Variants in SCN2A observed in about 807,000 individuals in gnomAD.
SCN2A encodes the protein sodium channel protein type 2 subunit alpha.
A neutral mutation model predicts 188.7 loss-of-function variants in SCN2A; 20 were observed. The ratio of observed to expected loss-of-function variants is 0.11; its 90% confidence interval spans 0.07 to 0.15. SCN2A has a LOEUF of 0.15. Among genes scored for constraint, SCN2A ranks in the 10% least tolerant of loss-of-function variants. SCN2A has a pLI of 1.00. For synonymous variants in SCN2A, 804 were observed against 833.1 expected (o/e 0.97, Z 0.60); for missense variants, 1,278 against 2,445.0 (o/e 0.52, Z 10.07).
intron 3 of SCN2A, among the ~76,000 whole-genome samples, chr2:165,302,708 GGGATGTATCTGA>G (rs1696885649): frequency 6.6e-6 from 1 of 152,108 alleles, no homozygotes; most frequent in South Asian, 2.1e-4. Context: ...TGGCTGGTAA[GGGATGTATCTGA>G]CCATGGTTCA....
At chr2:165,277,069 ATTAGT>A (rs2106114464) in intron 1 of SCN2A, among the ~76,000 whole-genome samples, 1 of 152,256 alleles carries the variant, frequency 6.6e-6, no homozygotes, top group East Asian at 1.9e-4. Flanking sequence ...CAAAAAAAAA[ATTAGT>A]TTAATTTTGT....
intron 3 of SCN2A, among the ~76,000 whole-genome samples, chr2:165,303,008 T>A (rs1473363891): frequency 6.6e-6 from 1 of 152,192 alleles, no homozygotes; most frequent in Non-Finnish European, 1.5e-5. Context: ...TATAAAAGGT[T>A]TATCTGCCTC....
chr2:165,262,539 A>G (rs1309070622), intron 1 of SCN2A, among the ~76,000 whole-genome samples: 1 of 152,090 alleles, frequency 6.6e-6, no homozygotes, highest in African/African-American at 2.4e-5. Context: ...TTGCTGAGAA[A>G]GCCATTATTT....
chr2:165,286,595 C>T (rs1695843456), intron 1 of SCN2A, among the ~76,000 whole-genome samples: 2 of 152,196 alleles, frequency 1.3e-5, no homozygotes, highest in Admixed American at 1.3e-4. Context: ...CCTTACAGGG[C>T]TGCTTGCAAC....
At chr2:165,252,977 C>T (rs1335173604) in intron 1 of SCN2A, among the ~76,000 whole-genome samples, 3 of 151,834 alleles carry the variant, frequency 2.0e-5, no homozygotes, top group African/African-American at 4.8e-5. Flanking sequence ...TCAGTGGGGA[C>T]GGGCAGTTTA....
intron 18 of SCN2A, among the ~76,000 whole-genome samples, chr2:165,366,803 T>A (rs1297868482): frequency 6.6e-6 from 1 of 152,050 alleles, no homozygotes; most frequent in Non-Finnish European, 1.5e-5. Context: ...ACAAATTTAT[T>A]TACTTATAAT....
chr2:165,356,096 G>A (rs891527625), intron 17 of SCN2A, among the ~76,000 whole-genome samples: 1 of 151,228 alleles, frequency 6.6e-6, no homozygotes. Context: ...TTTCTTGTTT[G>A]TAAGTTACGT....
intron 20 of SCN2A, chr2:165,373,024 A>G: frequency 1.9e-6 from 1 of 538,472 alleles, no homozygotes. Context: ...TCACCCTGGG[A>G]ACCTGTAGAA....
At chr2:165,313,794 C>G (rs752866310) in intron 9 of SCN2A, 33 bp downstream of exon 9, 2 of 1,613,438 alleles carry the variant, frequency 1.2e-6, no homozygotes, top group Admixed American at 1.7e-5. Flanking sequence ...TTCTGAGAAT[C>G]ATAAAACACC....
chr2:165,246,467 A>C (rs1404573356), intron 1 of SCN2A, among the ~76,000 whole-genome samples: 5 of 151,722 alleles, frequency 3.3e-5, no homozygotes, highest in Admixed American at 6.6e-5. Context: ...ATCCTACACC[A>C]CCTTTCTAGC....
Position 165,316,452 on chromosome 2 carries a change from T to G in SCN2A, c.1671+694T>G, listed in dbSNP as rs896678252. ...ATGCAAGTTGTTGAAATTTTAAAAT[T>G]TAGAATCTTAATTGTCTTTGAAATT... On this transcript the variant is annotated intron_variant, in intron 11 of 26. Transcript: ENST00000375437. Among the ~76,000 whole-genome samples, 8 of 152,288 alleles carry G rather than the reference T, an allele frequency of 5.3e-5. No individual in the cohort carries two copies. The South Asian group carries it at 8.3e-4, about 16-fold the overall frequency.
chr2:165,374,125 G>A (rs1701189211), intron 21 of SCN2A, among the ~76,000 whole-genome samples: 1 of 150,686 alleles, frequency 6.6e-6, no homozygotes, highest in African/African-American at 2.4e-5. Flanking sequence ...GTGTGTAGAT[G>A]TGTGTCTGTA....
At chr2:165,305,912 C>G (rs764801956) in intron 3 of SCN2A, among the ~76,000 whole-genome samples, 1 of 151,902 alleles carries the variant, frequency 6.6e-6, no homozygotes, top group Non-Finnish European at 1.5e-5. Context: ...ACAAGGGAGA[C>G]GTAAGCAAGT....
chr2:165,304,887 G>A (rs184330443), intron 3 of SCN2A, among the ~76,000 whole-genome samples: 3 of 152,304 alleles, frequency 2.0e-5, no homozygotes, highest in Admixed American at 6.5e-5. Flanking sequence ...CATCCTAAGA[G>A]TAATAGAAAG....
chr2:165,362,594 T>C (rs1248892696), intron 17 of SCN2A, among the ~76,000 whole-genome samples: 1 of 152,120 alleles, frequency 6.6e-6, no homozygotes, highest in Non-Finnish European at 1.5e-5. Context: ...AACAGCATTT[T>C]GGCAATTCAA....
intron 3 of SCN2A, among the ~76,000 whole-genome samples, chr2:165,297,476 G>T (rs1000692524): frequency 6.6e-6 from 1 of 152,264 alleles, no homozygotes; most frequent in South Asian, 2.1e-4. Flanking sequence ...TTAGGTAAGG[G>T]AGTAAACTCC....
chr2:165,285,917 T>C (rs1017486201), intron 1 of SCN2A: 9 of 225,516 alleles, frequency 4.0e-5, no homozygotes, highest in African/African-American at 1.9e-4. Context: ...GAACAATGAA[T>C]TGATTTGCCA....
At chr2:165,349,211 T>A (rs538393626) in intron 16 of SCN2A, among the ~76,000 whole-genome samples, 8 of 152,266 alleles carry the variant, frequency 5.3e-5, no homozygotes, top group African/African-American at 1.9e-4. Context: ...GAGAACAGAA[T>A]CCTTTATGAC....
At position 165,378,445 on chromosome 2, in the gene SCN2A, A is replaced by G. The variant is rs1187326054; in HGVS notation, c.4308+795A>G. ...AATTCCAGTTATGAGATTTTTCTGAATAGTAATAATAATTTATTGATTATC... is the reference window on the plus strand; with the variant it reads ...AATTCCAGTTATGAGATTTTTCTGAGTAGTAATAATAATTTATTGATTATC... On this transcript the variant is annotated intron_variant, in intron 23 of 26. Coordinates refer to ENST00000375437, the MANE Select transcript of SCN2A (RefSeq NM_001040142.2). Among the ~76,000 whole-genome samples, 4 of 151,824 alleles carry G rather than the reference A, an allele frequency of 2.6e-5. No homozygotes were observed. The East Asian group carries it at 7.7e-4, about 29-fold the overall frequency.
Sources: gnomAD v4.1 joint callset for allele counts (sites outside exome capture counted in the v4.1 genomes callset) on GRCh38, gnomAD v4.1.1 for gene constraint, MANE v1.5 for transcripts, NCBI Gene and HGNC (gene_info 2026-07-23, HGNC 2026-07-21) for gene names.